MCTP1: variants seen among roughly 807,000 people sequenced by gnomAD.
The protein encoded by MCTP1 is multiple C2 and transmembrane domain-containing protein 1.
A neutral mutation model predicts 120.6 loss-of-function variants in MCTP1; 69 were observed. That is an observed-to-expected ratio of 0.57 (90% CI 0.47 to 0.70). MCTP1 has a LOEUF of 0.70. Among genes scored for constraint, MCTP1 ranks in the 30% least tolerant of loss-of-function variants. The pLI, the probability that MCTP1 is intolerant of heterozygous loss-of-function variation, is 0.00. For synonymous variants in MCTP1, 529 were observed against 493.1 expected (o/e 1.07, Z -0.96); for missense variants, 1,203 against 1,248.8 (o/e 0.96, Z 0.55).
intron 2 of MCTP1, among the ~76,000 whole-genome samples, chr5:95,005,569 G>A (rs1834548504): frequency 1.3e-5 from 2 of 152,092 alleles, no homozygotes; most frequent in Non-Finnish European, 2.9e-5. Context: ...CTGTTCTCAT[G>A]ATAGAGTTCT....
rs150268390 is a variant in MCTP1, at chr5:95,177,566, G to A, written c.720+106290C>T. ...AGCTCTATTATCCAGTTATATCACT[G>A]AGCGACAAGAAACATAGCTATATGC... On this transcript the variant is annotated intron_variant, in intron 1 of 22. Transcript: ENST00000515393. Among the ~76,000 whole-genome samples the A allele has an allele frequency of 6.6e-3, 1,004 of 152,252 alleles. 6 individuals are homozygous for A. The highest frequency in any genetic ancestry group is 9.1e-3 in the Non-Finnish European group (621 of 68,026).
rs1368967683 is a variant in MCTP1 at position 95,140,576 on chromosome 5, C to T, written c.721-123092G>A. On this transcript the variant is annotated intron_variant, in intron 1 of 22. Coordinates refer to ENST00000515393, the MANE Select transcript of MCTP1 (RefSeq NM_024717.7). Reference sequence around the variant, plus strand: ...TTTTTTTGCTTTAAGAACCATTTAACGGCCGGGCGCGATGGCTCACGCCTG... The same window carrying T: ...TTTTTTTGCTTTAAGAACCATTTAATGGCCGGGCGCGATGGCTCACGCCTG... Among the ~76,000 whole-genome samples the T allele has an allele frequency of 2.0e-5, 3 of 151,670 alleles. No homozygotes were observed. In the East Asian group the frequency reaches 5.8e-4, roughly 29 times the overall value.
At chr5:94,729,474 G>T (rs912924451) in intron 19 of MCTP1, among the ~76,000 whole-genome samples, 2 of 152,194 alleles carry the variant, frequency 1.3e-5, no homozygotes, top group East Asian at 1.9e-4. Flanking sequence ...ATATCAAGGG[G>T]GTTGAGGGAG....
intron 1 of MCTP1, chr5:95,038,103 C>A: frequency 1.0e-6 from 1 of 984,630 alleles, no homozygotes; most frequent in Non-Finnish European, 1.2e-6. Flanking sequence ...CGAACAATCT[C>A]ATGGTCACAG....
chr5:95,141,118 C>T (rs925565432), intron 1 of MCTP1, among the ~76,000 whole-genome samples: 9 of 152,046 alleles, frequency 5.9e-5, no homozygotes, highest in Non-Finnish European at 8.8e-5. Flanking sequence ...CGGGGTTATA[C>T]TGATTTGAAA....
At chr5:94,718,774 C>T (rs1005082536) in intron 19 of MCTP1, among the ~76,000 whole-genome samples, 11 of 152,150 alleles carry the variant, frequency 7.2e-5, no homozygotes, top group African/African-American at 2.2e-4. Context: ...GGCTGCAGCG[C>T]GATGGTGCAG....
At chr5:94,808,992 G>C (rs1782913550) in intron 17 of MCTP1, among the ~76,000 whole-genome samples, 1 of 152,038 alleles carries the variant, frequency 6.6e-6, no homozygotes, top group African/African-American at 2.4e-5. Flanking sequence ...GTACATCAAT[G>C]CTTTTTTGAA....
intron 1 of MCTP1, among the ~76,000 whole-genome samples, chr5:95,113,288 C>G (rs930950479): frequency 6.6e-6 from 1 of 152,080 alleles, no homozygotes; most frequent in African/African-American, 2.4e-5. Flanking sequence ...CAACTATCTC[C>G]AAACAAAAAC....
Position 94,912,815 on chromosome 5 carries a change from G to A in MCTP1, c.1512C>T (p.Tyr504=). Residue 504 remains tyrosine, a synonymous_variant, in exon 9 of 23, where the codon TAC becomes TAT. Transcript: ENST00000515393. ...YVKFRLGHQK[Y]KSKIMPKTLN... ...ATAGAGACAAGGTTACCTTGCTCTTGTACTTCTGATGCCCAAGCCGGAACT... is the reference window on the plus strand; with the variant it reads ...ATAGAGACAAGGTTACCTTGCTCTTATACTTCTGATGCCCAAGCCGGAACT... 1 of 1,573,386 alleles carries A rather than the reference G, an allele frequency of 6.4e-7. No individual in the cohort carries two copies. The highest frequency in any genetic ancestry group is 1.4e-5 in the African/African-American group (1 of 72,484).
intron 19 of MCTP1, among the ~76,000 whole-genome samples, chr5:94,773,133 CTTA>C (rs1182756689): frequency 6.6e-6 from 1 of 152,148 alleles, no homozygotes; most frequent in Non-Finnish European, 1.5e-5. Context: ...GATTTTTAAT[CTTA>C]TTATTTGCTC....
At chr5:94,812,936 C>CTGTG (rs1371878660) in intron 17 of MCTP1, among the ~76,000 whole-genome samples, 1 of 151,452 alleles carries the variant, frequency 6.6e-6, no homozygotes, top group Non-Finnish European at 1.5e-5. Context: ...GTATAAATGT[C>CTGTG]TGTGTGTGTG....
intron 2 of MCTP1, among the ~76,000 whole-genome samples, chr5:95,010,837 C>T (rs985699601): frequency 2.0e-5 from 3 of 152,168 alleles, no homozygotes; most frequent in Non-Finnish European, 4.4e-5. Context: ...GAGACCCAGA[C>T]TCAAAATTGT....
chr5:95,175,442 G>C (rs1029912419), intron 1 of MCTP1, among the ~76,000 whole-genome samples: 4 of 152,160 alleles, frequency 2.6e-5, no homozygotes, highest in Non-Finnish European at 5.9e-5. Context: ...ACAAACATTG[G>C]TACCCTTTCC....
rs1754823859 is a variant in MCTP1 at position 94,707,151 on chromosome 5, A to C, written c.*345T>G. 5.9e-6 allele frequency: 1 copy of C among 169,888 alleles called. No homozygotes were observed. The highest frequency in any genetic ancestry group is 1.6e-4 in the East Asian group (1 of 6,332). The allele number at this position is 169,888 out of a possible 1,614,324, so 10.5% of individuals were successfully genotyped here. A position where few individuals can be genotyped will look rare whatever the true frequency, so the allele number is the denominator to read the frequency against. On this transcript the variant is annotated 3_prime_UTR_variant, in exon 23 of 23. Coordinates refer to ENST00000515393, the MANE Select transcript of MCTP1 (RefSeq NM_024717.7). The stretch of plus-strand genomic sequence containing the variant: ...TCAAATCGACATTTACAATTGATGT[A>C]GATTTAATCAGAGCACAGGTGAGTA...
chr5:95,284,442 C>A lies in MCTP1; in HGVS notation c.134G>T (p.Gly45Val). 6.5e-7 allele frequency: 1 copy of A among 1,528,736 alleles called. No homozygotes were observed. Among genetic ancestry groups the A allele is most frequent in the Non-Finnish European group, 8.7e-7 (1 of 1,146,146 alleles). The allele number at this position is 1,528,736 out of a possible 1,614,324, so 94.7% of individuals were successfully genotyped here. A position where few individuals can be genotyped will look rare whatever the true frequency, so the allele number is the denominator to read the frequency against. ...SKGGGGGRAGGPERRTADTPS... is the reference protein window; with the variant it reads ...SKGGGGGRAGVPERRTADTPS... ...GGTGTCCGCAGTGCGGCGCTCTGGA[C>A]CCCCAGCGCGCCCGCCCCCGCCGCC... The change falls in exon 1 of 23, where the codon GGT becomes GTT. Residue 45 changes from glycine to valine, a missense_variant. Gly to Val is a moderately radical substitution (Grantham distance 109). This residue lies in a region of MCTP1 where 463 missense variants were observed against 377.8 expected (regional missense o/e 1.23). Transcript: ENST00000515393. The surrounding 1 kb of genome is among the most constrained non-coding windows in gnomAD (Gnocchi z 5.2).
At chr5:95,017,622 C>T (rs1305088152) in intron 1 of MCTP1, 138 bp from the exon 2 acceptor site, 2 of 418,386 alleles carry the variant, frequency 4.8e-6, no homozygotes, top group East Asian at 3.9e-5. Flanking sequence ...CATACAGTCT[C>T]ATAATCACTC....
At chr5:94,760,947 A>T (rs1315233152) in intron 19 of MCTP1, among the ~76,000 whole-genome samples, 4 of 152,178 alleles carry the variant, frequency 2.6e-5, no homozygotes, top group African/African-American at 9.7e-5. Flanking sequence ...AGCCTCCCAA[A>T]GTGCTGAGAT....
intron 4 of MCTP1, 47 bp from the exon 5 acceptor site, chr5:94,940,242 G>A (rs768225861): frequency 1.6e-5 from 17 of 1,075,556 alleles, no homozygotes; most frequent in Non-Finnish European, 2.2e-5. Context: ...AAATGAATAA[G>A]CCAAATATAT....
intron 19 of MCTP1, among the ~76,000 whole-genome samples, chr5:94,743,432 G>A (rs1373712281): frequency 6.6e-6 from 1 of 152,088 alleles, no homozygotes; most frequent in African/African-American, 2.4e-5. Flanking sequence ...ACGAAGGTGA[G>A]ATAAGAGAGA....
Sources: gnomAD v4.1 joint callset for allele counts (sites outside exome capture counted in the v4.1 genomes callset) on GRCh38, gnomAD v4.1.1 for gene constraint, gnomAD v4.1.1 regional missense constraint, Gnocchi (gnomAD v3.1) non-coding constraint, MANE v1.5 for transcripts, NCBI Gene and HGNC (gene_info 2026-07-23, HGNC 2026-07-21) for gene names.